Variants in ZNF618 observed in about 807,000 individuals in gnomAD.
ZNF618 encodes zinc finger protein 618.
Under a neutral mutation model 103.0 loss-of-function variants are expected in ZNF618, and 34 were observed. The ratio of observed to expected loss-of-function variants is 0.33; its 90% CI spans 0.25 to 0.44. The LOEUF is 0.44. ZNF618 is among the 20% of genes least tolerant of loss of function. The probability of loss-of-function intolerance (pLI) is 1.00; values close to 1 mark genes in which losing one functional copy is unlikely to be tolerated. For missense variants in ZNF618, 1,059 were observed against 1,295.4 expected, an observed-to-expected ratio of 0.82 and a Z score of 2.80; for synonymous variants, 551 against 542.2, an observed-to-expected ratio of 1.02 and a Z score of -0.23.
At chr9:113,924,088 G>A (rs1307609980) in intron 1 of ZNF618, among the ~76,000 whole-genome samples, 1 of 152,068 alleles carries the variant, frequency 6.6e-6, no homozygotes, top group Admixed American at 6.5e-5. Context: ...AGAGATTGTA[G>A]AGAATTGGTA....
At chr9:113,902,904 T>TG (rs1252163178) in intron 1 of ZNF618, among the ~76,000 whole-genome samples, 2 of 152,216 alleles carry the variant, frequency 1.3e-5, no homozygotes, top group Non-Finnish European at 2.9e-5. Context: ...TTGCCTTAAC[T>TG]GTCCCCCCTC....
chr9:114,053,762 C>T lies in ZNF618; in HGVS notation c.*3595C>T, dbSNP rs1381217710. On this transcript the variant is annotated 3_prime_UTR_variant, in exon 15 of 15. Coordinates refer to ENST00000374126, the MANE Select transcript of ZNF618 (RefSeq NM_001318042.2). ...CGATTCCTGGCTCAGCCAGCCAGGC[C>T]TCCCTCTAATGGCATTTAGTAACCA... The T allele has an allele frequency of 6.6e-6, 1 of 152,280 alleles. No individual in the cohort carries two copies. 9.4% of individuals were successfully genotyped at this position (152,280 alleles called of 1,614,324 possible).
rs772931070 is a variant in ZNF618 at position 114,053,265 on chromosome 9, C to T, written c.*3098C>T. ...TTCTAGTTCAGCCAAAGGATTGAGA[C>T]AGGCTCTTCCAGTTCATCTCCTGGT... On this transcript the variant is annotated 3_prime_UTR_variant, in exon 15 of 15. Coordinates refer to ENST00000374126, the MANE Select transcript of ZNF618 (RefSeq NM_001318042.2). 6.6e-6 allele frequency: 1 copy of T among 152,458 alleles called. No individual in the cohort carries two copies. Among genetic ancestry groups the T allele is most frequent in the Non-Finnish European group, 1.5e-5 (1 of 68,068 alleles). 9.4% of individuals were successfully genotyped at this position (152,458 alleles called of 1,614,324 possible). A position where few individuals can be genotyped will look rare whatever the true frequency, so the allele number is the denominator to read the frequency against.
intron 9 of ZNF618, among the ~76,000 whole-genome samples, chr9:114,008,808 T>C (rs1321231094): frequency 6.6e-6 from 1 of 152,186 alleles, no homozygotes; most frequent in Non-Finnish European, 1.5e-5. Context: ...GCTTACAGGC[T>C]TGGTGTCCTC....
intron 1 of ZNF618, among the ~76,000 whole-genome samples, chr9:113,954,589 C>T (rs376608799): frequency 3.3e-5 from 5 of 152,276 alleles, no homozygotes; most frequent in South Asian, 2.1e-4. Context: ...GGGGACTGGA[C>T]TCAGGTGGAC....
chr9:113,917,228 C>T (rs1193799760), intron 1 of ZNF618, among the ~76,000 whole-genome samples: 2 of 146,248 alleles, frequency 1.4e-5, no homozygotes, highest in African/African-American at 5.1e-5. Context: ...CAAGCCTTCT[C>T]TCTATCCTTT....
At chr9:114,015,731 G>A (rs1019186191) in intron 9 of ZNF618, among the ~76,000 whole-genome samples, 1 of 152,180 alleles carries the variant, frequency 6.6e-6, no homozygotes, top group Admixed American at 6.5e-5. Context: ...AAAAAATTTT[G>A]AAACAATTTC....
At chr9:113,888,115 G>A (rs551421994) in intron 1 of ZNF618, among the ~76,000 whole-genome samples, 1 of 152,262 alleles carries the variant, frequency 6.6e-6, no homozygotes, top group South Asian at 2.1e-4. Flanking sequence ...GCTGGTAAGT[G>A]GCAGCTGGAT....
At chr9:113,901,667 G>A (rs994310804) in intron 1 of ZNF618, among the ~76,000 whole-genome samples, 13 of 152,226 alleles carry the variant, frequency 8.5e-5, no homozygotes, top group East Asian at 5.8e-4. Flanking sequence ...GTTATCACGG[G>A]GTCTCGTAGC....
At chr9:113,878,685 G>A (rs1828196010) in intron 1 of ZNF618, among the ~76,000 whole-genome samples, 1 of 152,178 alleles carries the variant, frequency 6.6e-6, no homozygotes, top group Non-Finnish European at 1.5e-5. Context: ...GACTTGCAGG[G>A]CGGGATCTTG....
At chr9:114,009,307 A>G (rs898157645) in intron 9 of ZNF618, among the ~76,000 whole-genome samples, 1 of 152,204 alleles carries the variant, frequency 6.6e-6, no homozygotes, top group African/African-American at 2.4e-5. Flanking sequence ...CCAGCATCCC[A>G]TGCCAAGGCT....
In ZNF618 at chr9:113,957,138, A is replaced by T. The variant is rs16910963; in HGVS notation, c.34-11979A>T. 7.1e-3 allele frequency among the ~76,000 whole-genome samples: 1,074 copies of T among 152,332 alleles called. 15 individuals carry two copies. Among genetic ancestry groups the T allele is most frequent in the African/African-American group, 0.024 (1,006 of 41,568 alleles). On this transcript the variant is annotated intron_variant, in intron 1 of 14. Transcript: ENST00000374126. Reference sequence around the variant, plus strand: ...GCCAAATAAATCCCGCCGGCCGGAGAGATCAGAATGTGTTTGGCTTTTTAA... The same window carrying T: ...GCCAAATAAATCCCGCCGGCCGGAGTGATCAGAATGTGTTTGGCTTTTTAA...
Position 113,897,670 on chromosome 9 carries a change from C to CT in ZNF618, c.33+21260dup, listed in dbSNP as rs1830147849. ...TCTTTACTTTTGGTTATTTTAATCT[C>CT]TTTAAATTTTTTTTAGTTTTATATG... On this transcript the variant is annotated intron_variant, in intron 1 of 14. Transcript: ENST00000374126. Among the ~76,000 whole-genome samples, 3 of 152,166 alleles carry CT rather than the reference C, an allele frequency of 2.0e-5. No individual in the cohort carries two copies. The South Asian group carries it at 6.2e-4, about 31-fold the overall frequency.
At chr9:113,886,673 G>C (rs556426637) in intron 1 of ZNF618, among the ~76,000 whole-genome samples, 10 of 152,170 alleles carry the variant, frequency 6.6e-5, no homozygotes, top group East Asian at 5.8e-4. Context: ...ACTAGCCTTC[G>C]TTGGAATTTG....
chr9:114,016,921 T>C, intron 10 of ZNF618, 137 bp downstream of exon 10: 1 of 664,342 alleles, frequency 1.5e-6, no homozygotes, highest in South Asian at 1.9e-5. Context: ...TCTTTAGGTA[T>C]TATGTCTGAC....
At chr9:113,987,029 C>T (rs574717136) in intron 2 of ZNF618, among the ~76,000 whole-genome samples, 38 of 152,324 alleles carry the variant, frequency 2.5e-4, no homozygotes, top group Middle Eastern at 3.4e-3. Flanking sequence ...GGAATGCTGG[C>T]ATTCTCTGTT....
At chr9:113,996,546 G>A (rs1427734645) in intron 3 of ZNF618, among the ~76,000 whole-genome samples, 24 of 152,190 alleles carry the variant, frequency 1.6e-4, no homozygotes, top group Admixed American at 1.1e-3. Flanking sequence ...CCCTGTCCTC[G>A]CCTGGTCTGT....
rs929089335 is a variant in ZNF618 at position 114,050,640 on chromosome 9, G to C, written c.*473G>C. 6.5e-6 allele frequency: 1 copy of C among 153,694 alleles called. No homozygotes were observed. The highest frequency in any genetic ancestry group is 1.5e-5 in the Non-Finnish European group (1 of 68,838). The allele number at this position is 153,694 out of a possible 1,614,324, so 9.5% of individuals were successfully genotyped here. A position where few individuals can be genotyped will look rare whatever the true frequency, so the allele number is the denominator to read the frequency against. On this transcript the variant is annotated 3_prime_UTR_variant, in exon 15 of 15. Transcript: ENST00000374126. ...CAGGTGTGCAGATTGGCAGAAAGCT[G>C]ATGTTGTGAAATGTTCAGGCAGCTG... is the stretch of plus-strand genomic sequence containing the variant.
chr9:113,982,576 G>T (rs1477483399), intron 2 of ZNF618, among the ~76,000 whole-genome samples: 1 of 152,072 alleles, frequency 6.6e-6, no homozygotes, highest in African/African-American at 2.4e-5. Context: ...TCCAAATAAG[G>T]TCATATGCAC....
Sources: gnomAD v4.1 joint callset for allele counts (sites outside exome capture counted in the v4.1 genomes callset) on GRCh38, gnomAD v4.1.1 for gene constraint, MANE v1.5 for transcripts, NCBI Gene and HGNC (gene_info 2026-07-23, HGNC 2026-07-21) for gene names.